Variants in ATRNL1 observed in about 807,000 individuals in gnomAD.
The protein encoded by ATRNL1 is attractin like 1.
A neutral mutation model predicts 182.7 loss-of-function variants in ATRNL1; 95 were observed. The ratio of observed to expected loss-of-function variants is 0.52; its 90% CI spans 0.44 to 0.62. The LOEUF (loss-of-function observed/expected upper bound fraction) is 0.62, where lower values mean the gene tolerates loss of function less well. ATRNL1 is among the 20% of genes least tolerant of loss of function. ATRNL1 has a pLI of 0.00. For synonymous variants in ATRNL1, 576 were observed against 568.3 expected (o/e 1.01, Z -0.19); for missense variants, 1,471 against 1,679.5 (o/e 0.88, Z 2.17).
intron 27 of ATRNL1, among the ~76,000 whole-genome samples, chr10:115,817,880 T>TTG (rs1950202530): frequency 7.4e-5 from 1 of 13,520 alleles, no homozygotes; most frequent in African/African-American, 1.7e-4. Flanking sequence ...ACGTTGTGTT[T>TTG]TTTTTTTTTT....
chr10:115,106,447 G>T (rs1399949952), intron 1 of ATRNL1, among the ~76,000 whole-genome samples: 39 of 152,140 alleles, frequency 2.6e-4, no homozygotes, highest in Non-Finnish European at 5.7e-4. Flanking sequence ...AGCATCATTT[G>T]TTTTGAAATG....
Position 115,268,445 on chromosome 10 carries a change from G to A in ATRNL1, c.2100+1G>A, listed in dbSNP as rs1352443999. On this transcript the variant is annotated splice_donor_variant, in intron 13 of 28. Coordinates refer to ENST00000355044, the MANE Select transcript of ATRNL1 (RefSeq NM_207303.4). LOFTEE classifies it high-confidence loss of function. ...TTCGGCAAATAGTAACTGCAGTATG[G>A]TTAGTATTTATGGGTAAATGGTGCT... The A allele has an allele frequency of 6.3e-6, 10 of 1,585,458 alleles. No individual in the cohort carries two copies. Among genetic ancestry groups the A allele is most frequent in the Non-Finnish European group, 8.7e-6 (10 of 1,154,192 alleles).
intron 19 of ATRNL1, among the ~76,000 whole-genome samples, chr10:115,350,983 A>G (rs1316249960): frequency 1.3e-5 from 2 of 151,920 alleles, no homozygotes; most frequent in African/African-American, 4.8e-5. Flanking sequence ...AGCTTTTACT[A>G]CTTTGATTCC....
chr10:115,434,422 T>C (rs1246920861), intron 21 of ATRNL1, among the ~76,000 whole-genome samples: 1 of 152,022 alleles, frequency 6.6e-6, no homozygotes, highest in Non-Finnish European at 1.5e-5. Flanking sequence ...AAAACAGAGA[T>C]AGAGAAAGCT....
At chr10:115,486,592 T>G (rs538292999) in intron 24 of ATRNL1, among the ~76,000 whole-genome samples, 20 of 152,144 alleles carry the variant, frequency 1.3e-4, no homozygotes, top group African/African-American at 4.6e-4. Flanking sequence ...TTTGATGGGG[T>G]TGTTTTTTTC....
At chr10:115,632,977 C>T (rs1470156667) in intron 26 of ATRNL1, among the ~76,000 whole-genome samples, 1 of 151,796 alleles carries the variant, frequency 6.6e-6, no homozygotes. Flanking sequence ...ACTACAACCT[C>T]CGCCTCCCGG....
intron 27 of ATRNL1, among the ~76,000 whole-genome samples, chr10:115,818,116 G>A (rs577748224): frequency 2.6e-5 from 4 of 151,348 alleles, no homozygotes; most frequent in African/African-American, 9.7e-5. Context: ...GCTTTCCAGG[G>A]CTTCTAAGTG....
Position 115,212,382 on chromosome 10 carries a change from C to A in ATRNL1, c.1349-3315C>A, listed in dbSNP as rs1334692673. ...GTGAGGTTGCAGAGAAAAAGGAATG[C>A]TTATACACTGTTGGTGGGAGTGTAA... On this transcript the variant is annotated intron_variant, in intron 8 of 28. Coordinates refer to ENST00000355044, the MANE Select transcript of ATRNL1 (RefSeq NM_207303.4). Among the ~76,000 whole-genome samples, 8 of 151,260 alleles carry A rather than the reference C, an allele frequency of 5.3e-5. No individual in the cohort carries two copies. The South Asian group carries it at 1.7e-3, about 32-fold the overall frequency.
intron 19 of ATRNL1, among the ~76,000 whole-genome samples, chr10:115,367,539 C>T (rs951526702): frequency 1.3e-5 from 2 of 152,164 alleles, no homozygotes; most frequent in Admixed American, 6.6e-5. Flanking sequence ...ATTCTCCATC[C>T]AGCTTTGTTC....
chr10:115,123,240 G>C (rs932183499), intron 3 of ATRNL1, among the ~76,000 whole-genome samples: 1 of 152,186 alleles, frequency 6.6e-6, no homozygotes. Context: ...TCCACTTGAT[G>C]TTAAGCACTA....
intron 23 of ATRNL1, among the ~76,000 whole-genome samples, chr10:115,467,640 C>A (rs184270439): frequency 1.4e-3 from 209 of 150,612 alleles, no homozygotes; most frequent in African/African-American, 4.6e-3. Context: ...CAATGAAATT[C>A]TTCTGTACAT....
At chr10:115,587,202 T>G (rs1477687144) in intron 26 of ATRNL1, among the ~76,000 whole-genome samples, 1 of 151,520 alleles carries the variant, frequency 6.6e-6, no homozygotes, top group East Asian at 2.0e-4. Context: ...TACTGCTGTC[T>G]TTTTGTTTGT....
intron 24 of ATRNL1, among the ~76,000 whole-genome samples, chr10:115,499,990 G>T (rs1849739654): frequency 6.6e-6 from 1 of 152,112 alleles, no homozygotes; most frequent in African/African-American, 2.4e-5. Flanking sequence ...TTTATTCCTA[G>T]ACAGGTAGGT....
intron 26 of ATRNL1, among the ~76,000 whole-genome samples, chr10:115,597,100 A>G (rs2133932463): frequency 6.6e-6 from 1 of 152,280 alleles, no homozygotes; most frequent in South Asian, 2.1e-4. Context: ...GTCTAGTAAA[A>G]CATTTTGATT....
At chr10:115,196,876 G>A (rs1365180219) in intron 8 of ATRNL1, among the ~76,000 whole-genome samples, 1 of 151,998 alleles carries the variant, frequency 6.6e-6, no homozygotes, top group Non-Finnish European at 1.5e-5. Flanking sequence ...TTCTTTTTCA[G>A]TGTGTATGCC....
At chr10:115,396,175 A>C (rs557792172) in intron 20 of ATRNL1, among the ~76,000 whole-genome samples, 1 of 151,952 alleles carries the variant, frequency 6.6e-6, no homozygotes, top group Admixed American at 6.6e-5. Context: ...AGGTAAGCAC[A>C]ATCAGTTTTT....
At chr10:115,740,254 A>G (rs1389297936) in intron 27 of ATRNL1, among the ~76,000 whole-genome samples, 1 of 152,190 alleles carries the variant, frequency 6.6e-6, no homozygotes, top group Non-Finnish European at 1.5e-5. Flanking sequence ...TAGTTCTTAC[A>G]TATTTCATAC....
intron 15 of ATRNL1, among the ~76,000 whole-genome samples, chr10:115,288,310 T>C (rs1592385041): frequency 6.6e-6 from 1 of 152,222 alleles, no homozygotes; most frequent in East Asian, 1.9e-4. Context: ...TCTATATTGT[T>C]CTCCATAGGG....
intron 19 of ATRNL1, among the ~76,000 whole-genome samples, chr10:115,371,059 A>C (rs1428355972): frequency 6.6e-6 from 1 of 152,198 alleles, no homozygotes; most frequent in Non-Finnish European, 1.5e-5. Context: ...AGCTGTGGCA[A>C]CTTTCATGTG....
Sources: gnomAD v4.1 joint callset for allele counts (sites outside exome capture counted in the v4.1 genomes callset) on GRCh38, gnomAD v4.1.1 for gene constraint, MANE v1.5 for transcripts, NCBI Gene and HGNC (gene_info 2026-07-23, HGNC 2026-07-21) for gene names.